HAUS6: variants seen among roughly 807,000 people sequenced by gnomAD.
HAUS6 encodes HAUS augmin-like complex subunit 6.
A neutral mutation model predicts 106.8 loss-of-function variants in HAUS6; 80 were observed. The ratio of observed to expected loss-of-function variants is 0.75; its 90% CI spans 0.63 to 0.90. HAUS6 has a LOEUF of 0.90. HAUS6 is among the 40% of genes least tolerant of loss of function. HAUS6 has a pLI of 0.00. For missense variants in HAUS6, 1,155 were observed against 1,118.1 expected, an observed-to-expected ratio of 1.03 and a Z score of -0.47; for synonymous variants, 356 against 379.1, an observed-to-expected ratio of 0.94 and a Z score of 0.71.
At chr9:19,088,922 A>G (rs1042510726) in intron 5 of HAUS6, among the ~76,000 whole-genome samples, 1 of 151,662 alleles carries the variant, frequency 6.6e-6, no homozygotes, top group Non-Finnish European at 1.5e-5. Context: ...CTTTTTCCCT[A>G]AAGTTTTAAA....
intron 12 of HAUS6, among the ~76,000 whole-genome samples, chr9:19,065,766 AG>A (rs1836748850): frequency 6.6e-6 from 1 of 151,944 alleles, no homozygotes; most frequent in African/African-American, 2.4e-5. Flanking sequence ...GCTTGAACCC[AG>A]GAGGCAGCAG....
chr9:19,056,609 T>C, intron 16 of HAUS6: 1 of 470,190 alleles, frequency 2.1e-6, no homozygotes, highest in Non-Finnish European at 3.8e-6. Flanking sequence ...TTTTTTTTTT[T>C]CTTTTTTCTG....
chr9:19,099,978 G>A (rs749656144), intron 1 of HAUS6, among the ~76,000 whole-genome samples: 3 of 152,188 alleles, frequency 2.0e-5, no homozygotes, highest in Non-Finnish European at 4.4e-5. Context: ...TGGATCACAA[G>A]GTCAGGAATT....
At chr9:19,072,235 A>G (rs1437037722) in intron 11 of HAUS6, among the ~76,000 whole-genome samples, 1 of 150,866 alleles carries the variant, frequency 6.6e-6, no homozygotes, top group Non-Finnish European at 1.5e-5. Context: ...CAAATGGGCC[A>G]GGTACGATGA....
rs1317125638 is a variant in HAUS6 at position 19,088,643 on chromosome 9, G to A, written c.584+769C>T. The stretch of plus-strand genomic sequence containing the variant: ...AGCACTTTGGGAGGCCAAGGCAGGC[G>A]GATCACTTGAGGTCAGGAGTTCGAG... On this transcript the variant is annotated intron_variant, in intron 5 of 16. Coordinates refer to ENST00000380502, the MANE Select transcript of HAUS6 (RefSeq NM_017645.5). Among the ~76,000 whole-genome samples the A allele has an allele frequency of 7.3e-5, 11 of 150,690 alleles. No homozygotes were observed. In the East Asian group the frequency reaches 2.2e-3, roughly 30 times the overall value.
In HAUS6 at chr9:19,060,143, C is replaced by G. The variant is rs769068938; in HGVS notation, c.1710G>C (p.Leu570=). 6.2e-7 allele frequency: 1 copy of G among 1,604,364 alleles called. No individual in the cohort carries two copies. The highest frequency in any genetic ancestry group is 2.2e-5 in the East Asian group (1 of 44,790). ...TCCTTGTTAAGAAGGGGTTAGAACC[C>G]AGAGAGTCAATTAGTTCCTCTAATT... The part of the protein sequence containing the change: ...EIKLEELIDS[L]GSNPFLTRNQ... Residue 570 remains leucine (L), a synonymous_variant, in exon 15 of 17, where the codon CTG becomes CTC. Transcript: ENST00000380502.
intron 16 of HAUS6, chr9:19,057,436 TCAA>T (rs1321715969): frequency 6.5e-6 from 1 of 152,814 alleles, no homozygotes; most frequent in Non-Finnish European, 1.5e-5. Context: ...CATGGCCCTG[TCAA>T]CACCTTGATT....
At chr9:19,069,386 T>C (rs968953336) in intron 12 of HAUS6, among the ~76,000 whole-genome samples, 2 of 152,138 alleles carry the variant, frequency 1.3e-5, no homozygotes, top group Non-Finnish European at 2.9e-5. Context: ...AAAAATATTG[T>C]CCAGTTAAAA....
intron 14 of HAUS6, 45 bp downstream of exon 14, chr9:19,062,963 T>A: frequency 7.1e-7 from 1 of 1,399,802 alleles, no homozygotes; most frequent in African/African-American, 1.4e-5. Context: ...ACTGTGCCCA[T>A]CCAATAACTG....
chr9:19,081,622 T>C (rs563259266), intron 8 of HAUS6, among the ~76,000 whole-genome samples: 34 of 152,178 alleles, frequency 2.2e-4, no homozygotes, highest in African/African-American at 8.2e-4. Context: ...GTATTTTTAG[T>C]AGAGACAGGG....
At chr9:19,061,175 C>A (rs1336039497) in intron 14 of HAUS6, among the ~76,000 whole-genome samples, 1 of 152,048 alleles carries the variant, frequency 6.6e-6, no homozygotes, top group Admixed American at 6.6e-5. Context: ...AAAAAAATAA[C>A]ATAAATAAAA....
intron 1 of HAUS6, among the ~76,000 whole-genome samples, chr9:19,099,824 A>G (rs1817949478): frequency 6.6e-6 from 1 of 152,002 alleles, no homozygotes; most frequent in African/African-American, 2.4e-5. Context: ...CTGACGCGGG[A>G]GGATCACTTA....
At chr9:19,082,314 C>G (rs1323594278) in intron 8 of HAUS6, among the ~76,000 whole-genome samples, 1 of 152,202 alleles carries the variant, frequency 6.6e-6, no homozygotes, top group African/African-American at 2.4e-5. Context: ...ACAGTATCAT[C>G]TTCCTACTAA....
At chr9:19,096,808 A>G in intron 1 of HAUS6, 39 bp from the exon 2 acceptor site, 1 of 958,176 alleles carries the variant, frequency 1.0e-6, no homozygotes, top group Non-Finnish European at 1.6e-6. Flanking sequence ...AAAAAGAAAA[A>G]GGTTAATAAG....
chr9:19,086,650 CTATAA>C (rs1327226381), intron 7 of HAUS6, 79 bp downstream of exon 7: 3 of 609,112 alleles, frequency 4.9e-6, no homozygotes, highest in Admixed American at 3.2e-5. Flanking sequence ...GGTAAATAGA[CTATAA>C]GAGTCCCACT....
intron 13 of HAUS6, 67 bp downstream of exon 13, chr9:19,063,447 C>G: frequency 2.4e-6 from 2 of 823,504 alleles, no homozygotes; most frequent in Admixed American, 6.3e-5. Flanking sequence ...GTGGTATCAA[C>G]AAAAATAAAT....
chr9:19,076,697 T>A lies in HAUS6; in HGVS notation c.1199A>T (p.Asp400Val). 6.7e-7 allele frequency: 1 copy of A among 1,488,594 alleles called. No individual in the cohort carries two copies. Among genetic ancestry groups the A allele is most frequent in the Non-Finnish European group, 9.4e-7 (1 of 1,066,716 alleles). 92.2% of individuals were successfully genotyped at this position (1,488,594 alleles called of 1,614,324 possible). ...AAGGGGAGACATTGGTGGTAAAAGA[T>A]CTACAGACTTAAAACAGAAAATTCA... is the stretch of plus-strand genomic sequence containing the variant. ...SLIKGWTPSV[D>V]LLPPMSPLSF... The change falls in exon 11 of 17, where the codon GAT becomes GTT. Residue 400 changes from aspartate (D) to valine (V), a missense_variant. Coordinates refer to ENST00000380502, the MANE Select transcript of HAUS6 (RefSeq NM_017645.5).
chr9:19,070,418 G>C, intron 11 of HAUS6, 118 bp from the exon 12 acceptor site: 1 of 636,372 alleles, frequency 1.6e-6, no homozygotes, highest in Non-Finnish European at 2.8e-6. Flanking sequence ...ACCAAAATAT[G>C]AACACTAATA....
At chr9:19,076,565 G>C (rs774129681) in intron 11 of HAUS6, 37 bp downstream of exon 11, 1 of 850,132 alleles carries the variant, frequency 1.2e-6, no homozygotes, top group African/African-American at 1.7e-5. Context: ...TGACAGGAAG[G>C]AGGTTTCAAA....
Sources: gnomAD v4.1 joint callset for allele counts (sites outside exome capture counted in the v4.1 genomes callset) on GRCh38, gnomAD v4.1.1 for gene constraint, MANE v1.5 for transcripts, NCBI Gene and HGNC (gene_info 2026-07-23, HGNC 2026-07-21) for gene names.